SMARCA2: variants seen among roughly 807,000 people sequenced by gnomAD.
SMARCA2 encodes the protein SWI/SNF-related matrix-associated actin-dependent regulator of chromatin subfamily A member 2.
In SMARCA2, 61 loss-of-function variants were observed where a neutral mutation model predicts 199.8. The observed-to-expected ratio is 0.31, with a 90% CI of 0.25 to 0.38. The LOEUF (loss-of-function observed/expected upper bound fraction) is 0.38, where lower values mean the gene tolerates loss of function less well. SMARCA2 is among the 10% of genes least tolerant of loss of function. The pLI, the probability that SMARCA2 is intolerant of heterozygous loss-of-function variation, is 1.00. For synonymous variants in SMARCA2, 935 were observed against 732.0 expected (o/e 1.28, Z -4.48); for missense variants, 1,344 against 2,012.2 (o/e 0.67, Z 6.35).
At chr9:2,116,651 C>G (rs1823229272) in intron 25 of SMARCA2, among the ~76,000 whole-genome samples, 1 of 152,114 alleles carries the variant, frequency 6.6e-6, no homozygotes, top group African/African-American at 2.4e-5. Flanking sequence ...ATGAAGAATG[C>G]TTTGATTAGG....
At chr9:2,095,404 A>T (rs914591889) in intron 19 of SMARCA2, among the ~76,000 whole-genome samples, 5 of 148,780 alleles carry the variant, frequency 3.4e-5, no homozygotes, top group Non-Finnish European at 6.0e-5. Context: ...AAATTTTCAT[A>T]AAAAAAAAAG....
At position 2,056,410 on chromosome 9, in the gene SMARCA2, TTTTC is replaced by T. The variant is rs1333690201; in HGVS notation, c.1174-254_1174-251del. On this transcript the variant is annotated intron_variant, in intron 6 of 33. Coordinates refer to ENST00000349721, the MANE Select transcript of SMARCA2 (RefSeq NM_003070.5). This position sits in a 1 kb window ranked among gnomAD's most constrained non-coding sequence, Gnocchi z 4.0. Reference sequence around the variant, plus strand: ...GTTATTTAAAAGGCAAGACAACATCTTTTCTTTCTTTTACTGTTACAGTACTATA... The same window carrying T: ...GTTATTTAAAAGGCAAGACAACATCTTTTCTTTTACTGTTACAGTACTATA... Among the ~76,000 whole-genome samples the T allele has an allele frequency of 1.3e-5, 2 of 152,216 alleles. No individual in the cohort carries two copies. The highest frequency in any genetic ancestry group is 2.9e-5 in the Non-Finnish European group (2 of 68,034).
chr9:2,170,428 G>A lies in SMARCA2; in HGVS notation c.4209G>A (p.Val1403=). The change falls in exon 29 of 34, where the codon GTG becomes GTA. Residue 1403 remains valine (V), a synonymous_variant. Coordinates refer to ENST00000349721, the MANE Select transcript of SMARCA2 (RefSeq NM_003070.5). This position sits in a 1 kb window ranked among gnomAD's most constrained non-coding sequence, Gnocchi z 4.7. The part of the protein sequence containing the change: ...TVINYKDRCN[V]EKVPSNSQLE... Reference sequence around the variant, plus strand: ...TTCTACTCTACCGCAGGTGTAACGTGGAGAAGGTGCCCAGTAATTCTCAGT... The same window carrying A: ...TTCTACTCTACCGCAGGTGTAACGTAGAGAAGGTGCCCAGTAATTCTCAGT... 1 of 1,614,100 alleles carries A rather than the reference G, an allele frequency of 6.2e-7. No individual in the cohort carries two copies. The highest frequency in any genetic ancestry group is 8.5e-7 in the Non-Finnish European group (1 of 1,179,988).
At chr9:2,124,659 C>T (rs1823610345) in intron 27 of SMARCA2, among the ~76,000 whole-genome samples, 1 of 152,110 alleles carries the variant, frequency 6.6e-6, no homozygotes, top group South Asian at 2.1e-4. Flanking sequence ...AAATGTTATT[C>T]GGGAGTTTGT....
chr9:2,026,479 A>G (rs1391809346), intron 1 of SMARCA2, among the ~76,000 whole-genome samples: 1 of 152,226 alleles, frequency 6.6e-6, no homozygotes, highest in Non-Finnish European at 1.5e-5. Context: ...TAATTACAAC[A>G]TTCTCTGAGA....
chr9:2,109,438 C>T (rs1022865522), intron 23 of SMARCA2, among the ~76,000 whole-genome samples: 2 of 152,064 alleles, frequency 1.3e-5, no homozygotes, highest in African/African-American at 4.8e-5. Context: ...GCAAGAATGC[C>T]CCAAAAGTGA....
At chr9:2,142,440 T>A (rs1824508617) in intron 27 of SMARCA2, among the ~76,000 whole-genome samples, 1 of 152,104 alleles carries the variant, frequency 6.6e-6, no homozygotes, top group Non-Finnish European at 1.5e-5. Flanking sequence ...GTTTGGGGAT[T>A]TGGTATTCTC....
chr9:2,069,507 C>A (rs889765655), intron 9 of SMARCA2, among the ~76,000 whole-genome samples: 9 of 150,474 alleles, frequency 6.0e-5, no homozygotes, highest in South Asian at 4.2e-4. Flanking sequence ...TGCAGTGAGC[C>A]GAGATCGGGC....
At chr9:2,099,862 A>G (rs1037081197) in intron 21 of SMARCA2, among the ~76,000 whole-genome samples, 7 of 152,184 alleles carry the variant, frequency 4.6e-5, no homozygotes, top group African/African-American at 7.2e-5. Flanking sequence ...CTAATCTCCA[A>G]CAGCATCCAT....
At chr9:2,098,463 C>T (rs1397028617) in intron 21 of SMARCA2, among the ~76,000 whole-genome samples, 1 of 152,174 alleles carries the variant, frequency 6.6e-6, no homozygotes, top group African/African-American at 2.4e-5. Flanking sequence ...TCTTTCCTAG[C>T]TGTGCTGGAT....
intron 27 of SMARCA2, among the ~76,000 whole-genome samples, chr9:2,127,563 C>T (rs1249877710): frequency 6.6e-6 from 1 of 152,156 alleles, no homozygotes; most frequent in Non-Finnish European, 1.5e-5. Flanking sequence ...TCCACTTGAG[C>T]TGGAAGTGGG....
chr9:2,124,483 A>G (rs1823600554), intron 27 of SMARCA2, among the ~76,000 whole-genome samples: 1 of 152,170 alleles, frequency 6.6e-6, no homozygotes, highest in African/African-American at 2.4e-5. Flanking sequence ...GGTTTGATGA[A>G]GAAACTGAGG....
rs1422859980 is a variant in SMARCA2 at position 2,169,822 on chromosome 9, C to G, written c.4200-597C>G. On this transcript the variant is annotated intron_variant, in intron 28 of 33. Transcript: ENST00000349721. This position sits in a 1 kb window ranked among gnomAD's most constrained non-coding sequence, Gnocchi z 6.5. ...AGGCTTGTAGAAGTGCCCAAGACGC[C>G]AGGTGGTGGTTTATTTTCATTTCCC... 6.6e-6 allele frequency among the ~76,000 whole-genome samples: 1 copy of G among 152,108 alleles called. No homozygotes were observed. Among genetic ancestry groups the G allele is most frequent in the East Asian group, 1.9e-4 (1 of 5,192 alleles).
intron 9 of SMARCA2, among the ~76,000 whole-genome samples, chr9:2,066,970 G>C (rs930872720): frequency 2.6e-5 from 4 of 152,188 alleles, no homozygotes; most frequent in African/African-American, 9.7e-5. Context: ...TTGAGACACA[G>C]CATGAAGTTG....
intron 10 of SMARCA2, chr9:2,072,114 A>T (rs1166928594): frequency 6.6e-6 from 1 of 152,184 alleles, no homozygotes; most frequent in African/African-American, 2.4e-5. Flanking sequence ...CTCCTGTAAG[A>T]TATAGAAGAT....
intron 25 of SMARCA2, among the ~76,000 whole-genome samples, chr9:2,117,140 A>G: frequency 6.6e-6 from 1 of 152,194 alleles, no homozygotes; most frequent in Non-Finnish European, 1.5e-5. Flanking sequence ...ACCATTATAA[A>G]GTCGAAAAAT....
At chr9:2,092,858 A>C (rs1322519465) in intron 19 of SMARCA2, among the ~76,000 whole-genome samples, 2 of 152,192 alleles carry the variant, frequency 1.3e-5, no homozygotes, top group Non-Finnish European at 2.9e-5. Context: ...TATTTTGAGG[A>C]GCTTTCACAT....
In SMARCA2 at chr9:2,193,444, C is replaced by G. The variant is rs1283199827; in HGVS notation, c.*705C>G. ...TGTATTGGATGGCTTCTTTTGTCAC[C>G]CTGATCTCCTATGTTACCAATGTGT... is the stretch of plus-strand genomic sequence containing the variant. On this transcript the variant is annotated 3_prime_UTR_variant, in exon 34 of 34. Coordinates refer to ENST00000349721, the MANE Select transcript of SMARCA2 (RefSeq NM_003070.5). 3.9e-5 allele frequency: 6 copies of G among 152,626 alleles called. No homozygotes were observed. Among genetic ancestry groups the G allele is most frequent in the African/African-American group, 1.2e-4 (5 of 41,512 alleles). The allele number at this position is 152,626 out of a possible 1,614,324, so 9.5% of individuals were successfully genotyped here.
rs1586716054 is a variant in SMARCA2, at chr9:2,110,741, C to T, written c.3456+324C>T. Among the ~76,000 whole-genome samples the T allele has an allele frequency of 6.6e-6, 1 of 152,162 alleles. No homozygotes were observed. The highest frequency in any genetic ancestry group is 1.9e-4 in the East Asian group (1 of 5,192). The stretch of plus-strand genomic sequence containing the variant: ...TGTTGCAAAATCATAGCAGTAAGAA[C>T]AATAGCAACCATCATTCATGGGACC... On this transcript the variant is annotated intron_variant, in intron 24 of 33. Coordinates refer to ENST00000349721, the MANE Select transcript of SMARCA2 (RefSeq NM_003070.5). The surrounding 1 kb of genome is among the most constrained non-coding windows in gnomAD (Gnocchi z 4.8).
Sources: allele counts gnomAD v4.1 joint callset (sites outside exome capture counted in the v4.1 genomes callset), GRCh38; gene constraint gnomAD v4.1.1; non-coding constraint Gnocchi (gnomAD v3.1); transcripts MANE v1.5; gene names NCBI Gene and HGNC (gene_info 2026-07-23, HGNC 2026-07-21).